The following GSTO1 variants were observed in gnomAD, a reference collection of about 807,000 sequenced individuals.
The protein encoded by GSTO1 is glutathione S-transferase omega-1.
Under a neutral mutation model 23.8 loss-of-function variants are expected in GSTO1, and 27 were observed. The ratio of observed to expected loss-of-function variants is 1.13; its 90% confidence interval spans 0.83 to 1.56. The LOEUF is 1.56. Ranked by LOEUF, GSTO1 falls within the 40% of genes most tolerant of loss-of-function variation. The pLI is 0.00. For missense variants in GSTO1, 255 were observed against 285.8 expected (o/e 0.89, Z 0.78); for synonymous variants, 105 against 109.3 (o/e 0.96, Z 0.25).
rs146432336 is a variant in GSTO1, at chr10:104,262,584, C to T, written c.367-395C>T. On this transcript the variant is annotated intron_variant, in intron 3 of 5. Coordinates refer to ENST00000369713, the MANE Select transcript of GSTO1 (RefSeq NM_004832.3). ...AAAATTAGCCTGGCGTGGTGGCGCA[C>T]GCCCATAATCTCAGCTACTAAGGAG... is the stretch of plus-strand genomic sequence containing the variant. 1.3e-3 allele frequency among the ~76,000 whole-genome samples: 194 copies of T among 152,222 alleles called. 1 individual carries two copies. The highest frequency in any genetic ancestry group is 4.0e-3 in the African/African-American group (167 of 41,522).
intron 2 of GSTO1, among the ~76,000 whole-genome samples, chr10:104,259,186 A>G (rs1476961709): frequency 6.6e-6 from 1 of 152,216 alleles, no homozygotes; most frequent in Non-Finnish European, 1.5e-5. Context: ...TCTCAAAGAG[A>G]TATTAGCACT....
At chr10:104,260,562 G>C (rs1433579527) in intron 3 of GSTO1, among the ~76,000 whole-genome samples, 1 of 152,206 alleles carries the variant, frequency 6.6e-6, no homozygotes, top group Non-Finnish European at 1.5e-5. Context: ...CAATCCTGTA[G>C]AAGAACTGTT....
chr10:104,255,200 C>A lies in GSTO1; in HGVS notation c.72C>A (p.Ile24=), dbSNP rs2135048730. 1 of 1,613,926 alleles carries A rather than the reference C, an allele frequency of 6.2e-7. No homozygotes were observed. The highest frequency in any genetic ancestry group is 8.5e-7 in the Non-Finnish European group (1 of 1,179,852). Residue 24 remains isoleucine (I), a synonymous_variant, in exon 2 of 6, where the codon ATC becomes ATA. Transcript: ENST00000369713. ...CGGGGCCGGTCCCGGAGGGCTCGATCCGCATCTACAGCATGAGGTTCTGCC... is the reference window on the plus strand; with the variant it reads ...CGGGGCCGGTCCCGGAGGGCTCGATACGCATCTACAGCATGAGGTTCTGCC... ...APPGPVPEGS[I]RIYSMRFCPF...
At chr10:104,254,711 C>A (rs1285597404), upstream of GSTO1, 4 of 612,138 alleles carry the variant, frequency 6.5e-6, no homozygotes, top group South Asian at 3.8e-5. Flanking sequence ...TGGGTGCAGC[C>A]CTTGGCCAGC....
At chr10:104,257,055 G>A (rs969557120) in intron 2 of GSTO1, among the ~76,000 whole-genome samples, 2 of 152,060 alleles carry the variant, frequency 1.3e-5, no homozygotes, top group Admixed American at 6.5e-5. Context: ...AGCTACAGCT[G>A]TGGATGGGAA....
intron 4 of GSTO1, among the ~76,000 whole-genome samples, chr10:104,264,686 A>G (rs1013896676): frequency 6.6e-5 from 10 of 152,218 alleles, no homozygotes; most frequent in African/African-American, 1.9e-4. Context: ...ACCCACCGTA[A>G]GCTGAAAATA....
At chr10:104,259,528 G>C in intron 2 of GSTO1, 48 bp from the exon 3 acceptor site, 2 of 1,228,470 alleles carry the variant, frequency 1.6e-6, no homozygotes, top group South Asian at 1.2e-5. Context: ...TTATCCAAAA[G>C]CACAAAAGTT....
At chr10:104,266,588 T>A (rs59299813) in intron 5 of GSTO1, among the ~76,000 whole-genome samples, 1 of 151,946 alleles carries the variant, frequency 6.6e-6, no homozygotes, top group Non-Finnish European at 1.5e-5. Flanking sequence ...AATACAAAAA[T>A]TAGCTGGGCA....
intron 4 of GSTO1, 39 bp from the exon 5 acceptor site, chr10:104,266,045 G>A (rs777281298): frequency 1.9e-6 from 2 of 1,065,166 alleles, no homozygotes; most frequent in Non-Finnish European, 2.9e-6. Context: ...CTTACTACAT[G>A]CACAAGTAAG....
chr10:104,266,284 A>G (rs750260205), intron 5 of GSTO1, 94 bp downstream of exon 5: 16 of 709,058 alleles, frequency 2.3e-5, no homozygotes, highest in Non-Finnish European at 4.1e-5. Flanking sequence ...AATATTTAAT[A>G]CAACTGGTCT....
intron 5 of GSTO1, among the ~76,000 whole-genome samples, chr10:104,266,558 G>T (rs958052157): frequency 9.2e-5 from 14 of 152,154 alleles, no homozygotes; most frequent in African/African-American, 3.4e-4. Context: ...CCAATGTGGT[G>T]AAACCCCATC....
chr10:104,255,091 C>G lies in GSTO1; in HGVS notation c.35-72C>G, dbSNP rs878891090. 13 of 1,435,520 alleles carry G rather than the reference C, an allele frequency of 9.1e-6. No homozygotes were observed. The South Asian group carries it at 1.6e-4, about 17-fold the overall frequency. 88.9% of individuals were successfully genotyped at this position (1,435,520 alleles called of 1,614,324 possible). A position where few individuals can be genotyped will look rare whatever the true frequency, so the allele number is the denominator to read the frequency against. Reference sequence around the variant, plus strand: ...GGAACGGGTCGGAGCTGCAGTGGGACGCGGGGGCGGTGGGATACGGGGGGT... The same window carrying G: ...GGAACGGGTCGGAGCTGCAGTGGGAGGCGGGGGCGGTGGGATACGGGGGGT... On this transcript the variant is annotated intron_variant, in intron 1 of 5. Coordinates refer to ENST00000369713, the MANE Select transcript of GSTO1 (RefSeq NM_004832.3).
rs146967406 is a variant in GSTO1 at position 104,259,724 on chromosome 10, C to A, written c.292C>A (p.Pro98Thr). 1 of 1,613,590 alleles carries A rather than the reference C, an allele frequency of 6.2e-7. No homozygotes were observed. Among genetic ancestry groups the A allele is most frequent in the African/African-American group, 1.3e-5 (1 of 74,858 alleles). Residue 98 changes from proline to threonine, a missense_variant, in exon 3 of 6, where the codon CCA becomes ACA. Physicochemically the swap from Pro to Thr is conservative, Grantham distance 38 (BLOSUM62 -1). Transcript: ENST00000369713. ...CTGTGAGTACCTGGATGAAGCATAC[C>A]CAGGGAAGAAGCTGTTGCCGGATGA... ...ITCEYLDEAY[P>T]GKKLLPDDPY...
At chr10:104,260,747 T>C (rs749320117) in intron 3 of GSTO1, among the ~76,000 whole-genome samples, 17 of 152,182 alleles carry the variant, frequency 1.1e-4, no homozygotes, top group Admixed American at 7.8e-4. Flanking sequence ...GAGAAAAAGA[T>C]GGTTAAAGAA....
At chr10:104,256,344 ATTT>A (rs1326884359) in intron 2 of GSTO1, among the ~76,000 whole-genome samples, 1 of 152,166 alleles carries the variant, frequency 6.6e-6, no homozygotes, top group African/African-American at 2.4e-5. Flanking sequence ...GAAAAAAGAC[ATTT>A]TTTGGTACTC....
At chr10:104,266,925 TAATCTGGGTGTAG>T (rs2011195931) in intron 5 of GSTO1, among the ~76,000 whole-genome samples, 1 of 152,158 alleles carries the variant, frequency 6.6e-6, no homozygotes, top group Admixed American at 6.6e-5. Flanking sequence ...CTTTTGGTCA[TAATCTGGGTGTAG>T]AATAATTAAC....
intron 4 of GSTO1, among the ~76,000 whole-genome samples, chr10:104,263,602 G>A (rs535166283): frequency 6.6e-6 from 1 of 152,232 alleles, no homozygotes; most frequent in South Asian, 2.1e-4. Flanking sequence ...CTGACATTTG[G>A]GCCTTGGAGT....
chr10:104,255,261 A>G lies in GSTO1; in HGVS notation c.133A>G (p.Lys45Glu), dbSNP rs780009826. Reference protein sequence around the residue: ...AERTRLVLKAKGIRHEVININ... With the variant: ...AERTRLVLKAEGIRHEVININ... Reference sequence around the variant, plus strand: ...GAGGACGCGTCTAGTCCTGAAGGCCAAGGGAATCAGGTGGGCACCCAGGCG... The same window carrying G: ...GAGGACGCGTCTAGTCCTGAAGGCCGAGGGAATCAGGTGGGCACCCAGGCG... Residue 45 changes from lysine to glutamate, a missense_variant, in exon 2 of 6, where the codon AAG becomes GAG. Physicochemically the swap from Lys to Glu is moderately conservative, Grantham distance 56. Coordinates refer to ENST00000369713, the MANE Select transcript of GSTO1 (RefSeq NM_004832.3). 5.5e-5 allele frequency: 88 copies of G among 1,606,550 alleles called. No homozygotes were observed. Among genetic ancestry groups the G allele is most frequent in the Non-Finnish European group, 7.3e-5 (86 of 1,173,182 alleles).
In GSTO1 at chr10:104,255,279, C is replaced by T. The variant is rs1328075991; in HGVS notation, c.143+8C>T. 2.5e-6 allele frequency: 4 copies of T among 1,581,520 alleles called. No individual in the cohort carries two copies. The African/African-American group carries it at 5.4e-5, about 21-fold the overall frequency. ...GAAGGCCAAGGGAATCAGGTGGGCA[C>T]CCAGGCGGGGGACGCTCCCCGAGCC... On this transcript the variant is annotated splice_region_variant and intron_variant, in intron 2 of 5. Transcript: ENST00000369713.
Sources: allele counts gnomAD v4.1 joint callset (sites outside exome capture counted in the v4.1 genomes callset), GRCh38; gene constraint gnomAD v4.1.1; transcripts MANE v1.5; gene names NCBI Gene and HGNC (gene_info 2026-07-23, HGNC 2026-07-21).